The following EPS15 variants were observed in gnomAD, a reference collection of about 807,000 sequenced individuals.
EPS15 encodes the protein epidermal growth factor receptor substrate 15.
In EPS15, 72 loss-of-function variants were observed where a neutral mutation model predicts 113.8. The observed-to-expected ratio is 0.63, with a 90% CI of 0.52 to 0.77. EPS15 has a LOEUF of 0.77. Among genes scored for constraint, EPS15 ranks in the 30% least tolerant of loss-of-function variants. The probability of loss-of-function intolerance (pLI) is 0.00; values close to 1 mark genes in which losing one functional copy is unlikely to be tolerated. For synonymous variants in EPS15, 344 were observed against 363.4 expected, an observed-to-expected ratio of 0.95 and a Z score of 0.61; for missense variants, 1,048 against 1,045.8, an observed-to-expected ratio of 1.00 and a Z score of -0.03.
intron 12 of EPS15, chr1:51,422,117 T>C (rs1650816306): frequency 9.5e-7 from 1 of 1,047,830 alleles, no homozygotes; most frequent in African/African-American, 1.6e-5. Flanking sequence ...AGGAGAAAAA[T>C]AATCAATGAA....
chr1:51,456,690 A>C (rs1027861557), intron 8 of EPS15, among the ~76,000 whole-genome samples: 2 of 152,226 alleles, frequency 1.3e-5, no homozygotes, highest in Non-Finnish European at 2.9e-5. Flanking sequence ...ATCAGCTCTC[A>C]AAATTCAGTT....
chr1:51,468,823 C>T (rs749646787), intron 4 of EPS15, among the ~76,000 whole-genome samples: 1 of 152,030 alleles, frequency 6.6e-6, no homozygotes, highest in African/African-American at 2.4e-5. Flanking sequence ...ATACAGAATA[C>T]TCATGTTTAA....
intron 8 of EPS15, among the ~76,000 whole-genome samples, chr1:51,455,585 A>T (rs1364532474): frequency 6.6e-6 from 1 of 152,272 alleles, no homozygotes; most frequent in East Asian, 1.9e-4. Context: ...CTCTCAAAAA[A>T]AAAAGAAAAG....
chr1:51,361,733 C>A (rs527944347), intron 23 of EPS15, among the ~76,000 whole-genome samples: 12 of 152,294 alleles, frequency 7.9e-5, no homozygotes, highest in Admixed American at 2.0e-4. Flanking sequence ...AATGGCCTGC[C>A]TCTGCTGTTA....
At chr1:51,375,538 T>G (rs572665933) in intron 21 of EPS15, among the ~76,000 whole-genome samples, 197 of 152,316 alleles carry the variant, frequency 1.3e-3, no homozygotes, top group African/African-American at 4.4e-3. Context: ...GTTTGTGACT[T>G]GGGTATGTAA....
At chr1:51,358,715 T>TTG (rs1646303259) in intron 24 of EPS15, among the ~76,000 whole-genome samples, 1 of 149,718 alleles carries the variant, frequency 6.7e-6, no homozygotes, top group Non-Finnish European at 1.5e-5. Flanking sequence ...TTTTGTTTTT[T>TTG]TTTTTTTTTT....
intron 12 of EPS15, among the ~76,000 whole-genome samples, chr1:51,437,017 T>C (rs1387598030): frequency 6.6e-6 from 1 of 152,196 alleles, no homozygotes; most frequent in Non-Finnish European, 1.5e-5. Context: ...GTTAAAAATA[T>C]CATACTAATT....
chr1:51,435,779 T>C (rs922151678), intron 12 of EPS15, among the ~76,000 whole-genome samples: 3 of 152,166 alleles, frequency 2.0e-5, no homozygotes, highest in Admixed American at 6.6e-5. Context: ...TAAATTACTA[T>C]AGTTAAACAG....
At chr1:51,393,631 T>C (rs1388482043) in intron 21 of EPS15, among the ~76,000 whole-genome samples, 1 of 152,262 alleles carries the variant, frequency 6.6e-6, no homozygotes, top group African/African-American at 2.4e-5. Context: ...ATTTTCAGCA[T>C]AATATTAGAG....
intron 20 of EPS15, 98 bp from the exon 21 acceptor site, chr1:51,394,545 T>C: frequency 3.2e-6 from 2 of 622,352 alleles, no homozygotes; most frequent in South Asian, 5.7e-5. Flanking sequence ...AAATTCTTAA[T>C]TAATTAAGGA....
At chr1:51,438,104 TCTGA>T (rs1340928350) in intron 12 of EPS15, among the ~76,000 whole-genome samples, 2 of 152,108 alleles carry the variant, frequency 1.3e-5, no homozygotes, top group Admixed American at 6.5e-5. Flanking sequence ...TGGGGATGAG[TCTGA>T]CTATGACACT....
chr1:51,501,310 A>G (rs1302328449), intron 1 of EPS15, among the ~76,000 whole-genome samples: 2 of 151,376 alleles, frequency 1.3e-5, no homozygotes, highest in African/African-American at 2.4e-5. Context: ...CAGGAGGCTG[A>G]GGAAGGAGAA....
chr1:51,433,409 A>C (rs559473951), intron 12 of EPS15, among the ~76,000 whole-genome samples: 1 of 152,276 alleles, frequency 6.6e-6, no homozygotes, highest in Admixed American at 6.5e-5. Context: ...ACTGAGGTAC[A>C]GATAGTTAAG....
At chr1:51,452,769 C>A (rs914331064) in intron 8 of EPS15, among the ~76,000 whole-genome samples, 14 of 152,292 alleles carry the variant, frequency 9.2e-5, no homozygotes, top group Non-Finnish European at 1.6e-4. Flanking sequence ...TGTAATCTTA[C>A]AATACCACGC....
At chr1:51,477,817 G>A (rs1235770234) in intron 2 of EPS15, among the ~76,000 whole-genome samples, 1 of 152,206 alleles carries the variant, frequency 6.6e-6, no homozygotes, top group East Asian at 1.9e-4. Flanking sequence ...TGGTCTGAGA[G>A]ACAGTTTGTT....
intron 12 of EPS15, among the ~76,000 whole-genome samples, chr1:51,431,590 T>C (rs141130880): frequency 0.042 from 6,396 of 151,738 alleles, 203 homozygotes; most frequent in Middle Eastern, 0.11. Context: ...GGATTACAGG[T>C]GTGCACCACC....
chr1:51,391,598 G>A (rs928058691), intron 21 of EPS15, among the ~76,000 whole-genome samples: 9 of 152,222 alleles, frequency 5.9e-5, no homozygotes, highest in African/African-American at 2.2e-4. Flanking sequence ...ACATGGGTCT[G>A]TTGTTTGAGC....
rs578049817 is a variant in EPS15, at chr1:51,482,368, T to G, written c.34-1054A>C. Among the ~76,000 whole-genome samples the G allele has an allele frequency of 5.1e-3, 775 of 152,034 alleles. 5 individuals carry two copies. The highest frequency in any genetic ancestry group is 0.01 in the Middle Eastern group (3 of 294). On this transcript the variant is annotated intron_variant, in intron 1 of 24. Transcript: ENST00000371733. ...CAAAGGCATGCGATCAACAGAAAAC[T>G]CAGTTATGTCTAAAAAGAACAGCAA...
intron 15 of EPS15, 111 bp from the exon 16 acceptor site, chr1:51,406,219 T>TA: frequency 2.3e-6 from 2 of 852,810 alleles, no homozygotes; most frequent in Non-Finnish European, 3.6e-6. Flanking sequence ...CTCATGCCTA[T>TA]AATCTCAACA....
Sources: gnomAD v4.1 joint callset for allele counts (sites outside exome capture counted in the v4.1 genomes callset) on GRCh38, gnomAD v4.1.1 for gene constraint, MANE v1.5 for transcripts, NCBI Gene and HGNC (gene_info 2026-07-23, HGNC 2026-07-21) for gene names.